The following CHEK2 variants were observed in gnomAD, a reference collection of about 807,000 sequenced individuals.
CHEK2 encodes checkpoint kinase 2, also known as serine/threonine-protein kinase Chk2.
A neutral mutation model predicts 69.1 loss-of-function variants in CHEK2; 71 were observed. The observed-to-expected ratio is 1.03, with a 90% confidence interval of 0.85 to 1.25. The LOEUF (loss-of-function observed/expected upper bound fraction) is 1.25, where lower values mean the gene tolerates loss of function less well. Among genes scored for constraint, CHEK2 ranks in the 50% most tolerant of loss-of-function variants. The pLI, the probability that CHEK2 is intolerant of heterozygous loss-of-function variation, is 0.00. For synonymous variants in CHEK2, 189 were observed against 226.9 expected, an observed-to-expected ratio of 0.83 and a Z score of 1.50; for missense variants, 664 against 649.6, an observed-to-expected ratio of 1.02 and a Z score of -0.24.
At chr22:28,702,091 C>G (rs1004750276) in intron 8 of CHEK2, among the ~76,000 whole-genome samples, 10 of 148,550 alleles carry the variant, frequency 6.7e-5, no homozygotes, top group African/African-American at 2.5e-4. Context: ...CACAGGGATT[C>G]CAGGCACGTG....
At chr22:28,720,983 TC>T (rs1461189540) in intron 4 of CHEK2, among the ~76,000 whole-genome samples, 3 of 152,192 alleles carry the variant, frequency 2.0e-5, no homozygotes, top group African/African-American at 7.2e-5. Flanking sequence ...GGAGGCAGCC[TC>T]TACTCAGTGC....
At chr22:28,707,798 T>A (rs1569134271) in intron 7 of CHEK2, among the ~76,000 whole-genome samples, 1 of 150,794 alleles carries the variant, frequency 6.6e-6, no homozygotes, top group African/African-American at 2.4e-5. Flanking sequence ...TCATCTGACA[T>A]CAGAGAAAAT....
intron 4 of CHEK2, chr22:28,724,724 G>A (rs2053924543): frequency 4.3e-6 from 2 of 460,432 alleles, no homozygotes; most frequent in Non-Finnish European, 8.3e-6. Context: ...GCACCACCAT[G>A]CCCGGCTTAT....
chr22:28,692,008 C>T (rs191305909), intron 13 of CHEK2, among the ~76,000 whole-genome samples: 1 of 151,890 alleles, frequency 6.6e-6, no homozygotes, highest in East Asian at 1.9e-4. Flanking sequence ...TTCCTCCTTT[C>T]ACTGCAAAAA....
chr22:28,734,914 C>G (rs1158618968), intron 1 of CHEK2, among the ~76,000 whole-genome samples, 187 bp from the exon 2 acceptor site: 2 of 151,580 alleles, frequency 1.3e-5, no homozygotes, highest in African/African-American at 4.8e-5. Context: ...GAGCTTTTCA[C>G]CAGATCATTG....
At chr22:28,734,804 T>A in intron 1 of CHEK2, 77 bp from the exon 2 acceptor site, 1 of 1,124,328 alleles carries the variant, frequency 8.9e-7, no homozygotes, top group Non-Finnish European at 1.3e-6. Flanking sequence ...ATGATGGGCC[T>A]ATTACAACAG....
intron 7 of CHEK2, among the ~76,000 whole-genome samples, chr22:28,705,977 C>CTAAACTAAACTAAAT (rs2053123543): frequency 6.6e-6 from 1 of 151,252 alleles, no homozygotes; most frequent in Admixed American, 6.6e-5. Context: ...AAAAACTAAA[C>CTAAACTAAACTAAAT]TAAACTAAAC....
At chr22:28,693,616 A>T (rs2052446889) in intron 13 of CHEK2, among the ~76,000 whole-genome samples, 1 of 152,190 alleles carries the variant, frequency 6.6e-6, no homozygotes, top group Admixed American at 6.5e-5. Flanking sequence ...CAGGACATAA[A>T]GTGAGCGTGT....
At chr22:28,725,673 C>G (rs1453887673) in intron 2 of CHEK2, among the ~76,000 whole-genome samples, 1 of 152,088 alleles carries the variant, frequency 6.6e-6, no homozygotes, top group African/African-American at 2.4e-5. Context: ...CCAGCCTGGG[C>G]AACATAGGGG....
At chr22:28,692,202 T>A (rs2052392800) in intron 13 of CHEK2, among the ~76,000 whole-genome samples, 1 of 152,234 alleles carries the variant, frequency 6.6e-6, no homozygotes, top group Admixed American at 6.5e-5. Context: ...CTCTATTTTT[T>A]GTTAGAGATG....
chr22:28,712,430 TA>T (rs2053438472), intron 5 of CHEK2, among the ~76,000 whole-genome samples: 1 of 152,226 alleles, frequency 6.6e-6, no homozygotes, highest in South Asian at 2.1e-4. Flanking sequence ...TGAATAACTT[TA>T]ATGGATAAAT....
At chr22:28,718,657 G>C (rs914505344) in intron 5 of CHEK2, among the ~76,000 whole-genome samples, 13 of 152,154 alleles carry the variant, frequency 8.5e-5, no homozygotes, top group African/African-American at 3.1e-4. Flanking sequence ...CGAGATGGGT[G>C]GATTGCTTGA....
chr22:28,703,478 G>A (rs1389484885), intron 8 of CHEK2, 27 bp downstream of exon 8: 2 of 1,196,936 alleles, frequency 1.7e-6, no homozygotes, highest in South Asian at 2.6e-5. Context: ...AATGGAAACA[G>A]AAATTTTTAA....
At chr22:28,705,612 A>G (rs6519761) in intron 7 of CHEK2, among the ~76,000 whole-genome samples, 29,170 of 152,044 alleles carry the variant, frequency 0.19, 3,057 homozygotes, top group East Asian at 0.39. Flanking sequence ...TTATTTAGGG[A>G]TACACATATA....
intron 9 of CHEK2, among the ~76,000 whole-genome samples, chr22:28,697,884 T>C (rs1157582238): frequency 4.6e-5 from 7 of 151,914 alleles, no homozygotes; most frequent in Non-Finnish European, 8.8e-5. Context: ...CCATATTTTT[T>C]TAGGAAACAA....
intron 4 of CHEK2, among the ~76,000 whole-genome samples, chr22:28,720,247 T>G (rs2053728587): frequency 6.6e-6 from 1 of 151,862 alleles, no homozygotes; most frequent in African/African-American, 2.4e-5. Flanking sequence ...AACAGCACCA[T>G]GCCCGGCTAA....
chr22:28,704,679 C>G (rs1000447233), intron 7 of CHEK2, among the ~76,000 whole-genome samples: 2 of 152,116 alleles, frequency 1.3e-5, no homozygotes, highest in Admixed American at 6.6e-5. Context: ...GACAGTTAAG[C>G]TCAGTGGGTA....
intron 1 of CHEK2, chr22:28,737,248 A>G: frequency 2.1e-6 from 1 of 467,292 alleles, no homozygotes. Flanking sequence ...CAAATAGAAG[A>G]TTAGTTCTTA....
At chr22:28,714,014 T>C (rs5752777) in intron 5 of CHEK2, among the ~76,000 whole-genome samples, 32,326 of 152,158 alleles carry the variant, frequency 0.21, 3,726 homozygotes, top group East Asian at 0.41. Context: ...GGAATTTATA[T>C]ACCTAGAAGG....
Sources: gnomAD v4.1 joint callset for allele counts (sites outside exome capture counted in the v4.1 genomes callset) on GRCh38, gnomAD v4.1.1 for gene constraint, MANE v1.5 for transcripts, NCBI Gene and HGNC (gene_info 2026-07-23, HGNC 2026-07-21) for gene names.